The following SETBP1 variants were observed in gnomAD, a reference collection of about 807,000 sequenced individuals.
The protein encoded by SETBP1 is SET binding protein 1.
SETBP1 carries 9 observed loss-of-function variants against 101.0 expected under a neutral mutation model. That is an observed-to-expected ratio of 0.09 (90% confidence interval 0.05 to 0.16). The LOEUF (loss-of-function observed/expected upper bound fraction) is 0.16. SETBP1 is among the 10% of genes least tolerant of loss of function. The pLI, the probability that SETBP1 is intolerant of heterozygous loss-of-function variation, is 1.00. For synonymous variants in SETBP1, 818 were observed against 788.5 expected, an observed-to-expected ratio of 1.04 and a Z score of -0.63; for missense variants, 1,858 against 2,033.8, an observed-to-expected ratio of 0.91 and a Z score of 1.66.
At chr18:44,962,106 G>A (rs1258747014) in intron 4 of SETBP1, among the ~76,000 whole-genome samples, 2 of 152,210 alleles carry the variant, frequency 1.3e-5, no homozygotes, top group Non-Finnish European at 2.9e-5. Context: ...GACTAAGTTA[G>A]CATTCGTAAA....
intron 3 of SETBP1, among the ~76,000 whole-genome samples, chr18:44,895,833 GA>G (rs150142523): frequency 6.6e-6 from 1 of 151,742 alleles, no homozygotes; most frequent in Non-Finnish European, 1.5e-5. Context: ...TTCAACCAAA[GA>G]AAAAAAATGA....
At chr18:44,734,458 T>C (rs1246743870) in intron 2 of SETBP1, among the ~76,000 whole-genome samples, 2 of 152,164 alleles carry the variant, frequency 1.3e-5, no homozygotes, top group Non-Finnish European at 2.9e-5. Context: ...AAAAAGAAAG[T>C]GAAAAAATTT....
At chr18:44,899,781 A>C (rs1280497936) in intron 3 of SETBP1, among the ~76,000 whole-genome samples, 6 of 152,208 alleles carry the variant, frequency 3.9e-5, no homozygotes, top group Non-Finnish European at 5.9e-5. Flanking sequence ...AGAGACCCAA[A>C]ATTCATTTAT....
intron 2 of SETBP1, among the ~76,000 whole-genome samples, chr18:44,725,403 G>A (rs142712720): frequency 1.3e-5 from 2 of 152,116 alleles, no homozygotes; most frequent in Non-Finnish European, 2.9e-5. Context: ...AACTGGGTTG[G>A]GGGGTGTGTG....
At chr18:44,749,038 T>C (rs1178174306) in intron 2 of SETBP1, among the ~76,000 whole-genome samples, 2 of 152,138 alleles carry the variant, frequency 1.3e-5, no homozygotes, top group African/African-American at 4.8e-5. Flanking sequence ...GGGGTAGTTA[T>C]GAGAGGGGCA....
chr18:44,735,920 T>C (rs1159189270), intron 2 of SETBP1, among the ~76,000 whole-genome samples: 1 of 152,196 alleles, frequency 6.6e-6, no homozygotes, highest in Non-Finnish European at 1.5e-5. Flanking sequence ...CTGAGGAACA[T>C]ATACTGCTAT....
intron 5 of SETBP1, among the ~76,000 whole-genome samples, chr18:45,059,347 G>A (rs749288921): frequency 2.0e-5 from 3 of 152,106 alleles, no homozygotes; most frequent in South Asian, 2.1e-4. Context: ...TCACACCTAC[G>A]GAAATTAATA....
intron 2 of SETBP1, among the ~76,000 whole-genome samples, chr18:44,743,587 C>T (rs1028616844): frequency 3.3e-5 from 5 of 152,126 alleles, no homozygotes; most frequent in African/African-American, 1.2e-4. Flanking sequence ...GTTTCTTATA[C>T]AACGTGGGAT....
intron 3 of SETBP1, among the ~76,000 whole-genome samples, chr18:44,947,283 G>C (rs867808875): frequency 6.6e-6 from 1 of 152,188 alleles, no homozygotes; most frequent in Non-Finnish European, 1.5e-5. Flanking sequence ...TAGGGACTCT[G>C]TTAGGTACCA....
chr18:44,838,574 T>C (rs2072544629), intron 2 of SETBP1, among the ~76,000 whole-genome samples: 1 of 152,172 alleles, frequency 6.6e-6, no homozygotes, highest in Non-Finnish European at 1.5e-5. Context: ...GACAAATGCT[T>C]ATGACAGGTG....
At chr18:44,896,942 TCACA>T (rs138643380) in intron 3 of SETBP1, among the ~76,000 whole-genome samples, 13 of 151,848 alleles carry the variant, frequency 8.6e-5, no homozygotes, top group African/African-American at 2.9e-4. Context: ...AACTGTACCA[TCACA>T]CACACACACA....
chr18:44,813,571 C>T (rs2071909668), intron 2 of SETBP1, among the ~76,000 whole-genome samples: 1 of 152,166 alleles, frequency 6.6e-6, no homozygotes, highest in Admixed American at 6.5e-5. Flanking sequence ...AAATGAGAAG[C>T]TGGAACCAGC....
chr18:44,772,639 T>C (rs2070899108), intron 2 of SETBP1, among the ~76,000 whole-genome samples: 1 of 152,232 alleles, frequency 6.6e-6, no homozygotes, highest in Non-Finnish European at 1.5e-5. Flanking sequence ...TTATGTGCCG[T>C]GCTTAAGCTT....
At position 44,701,655 on chromosome 18, in the gene SETBP1, G is replaced by A. The variant is rs200639817; in HGVS notation, c.309G>A (p.Leu103=). The A allele has an allele frequency of 4.3e-6, 7 of 1,614,210 alleles. No homozygotes were observed. The African/African-American group carries it at 8.0e-5, about 18-fold the overall frequency. ...IKEANFTEGS[L]KLKIQTTKRA... The stretch of plus-strand genomic sequence containing the variant: ...AGGCAAACTTCACAGAGGGAAGTCT[G>A]AAGCTAAAGATTCAGACCACAAAGC... The change falls in exon 2 of 6, where the codon CTG becomes CTA. Residue 103 remains leucine, a synonymous_variant. Coordinates refer to ENST00000649279, the MANE Select transcript of SETBP1 (RefSeq NM_015559.3).
chr18:44,954,146 A>G (rs754706536), intron 4 of SETBP1, among the ~76,000 whole-genome samples: 6 of 152,162 alleles, frequency 3.9e-5, no homozygotes, highest in Non-Finnish European at 5.9e-5. Context: ...AGTTGCTGGC[A>G]GAATTCCCTT....
At chr18:44,930,213 A>C (rs1046362453) in intron 3 of SETBP1, among the ~76,000 whole-genome samples, 1 of 152,002 alleles carries the variant, frequency 6.6e-6, no homozygotes, top group Non-Finnish European at 1.5e-5. Context: ...TTTGTCTTTG[A>C]TTCTGTTTAT....
At chr18:44,779,368 A>G (rs1379476812) in intron 2 of SETBP1, among the ~76,000 whole-genome samples, 1 of 152,256 alleles carries the variant, frequency 6.6e-6, no homozygotes, top group African/African-American at 2.4e-5. Flanking sequence ...CCTCTGATAG[A>G]GCATAGTACT....
intron 2 of SETBP1, among the ~76,000 whole-genome samples, chr18:44,747,319 G>A (rs1385716958): frequency 1.3e-5 from 2 of 152,176 alleles, no homozygotes; most frequent in African/African-American, 4.8e-5. Context: ...TCACACTTCT[G>A]GGACCTGCTC....
intron 2 of SETBP1, among the ~76,000 whole-genome samples, chr18:44,787,061 G>C (rs2071254278): frequency 6.6e-6 from 1 of 152,200 alleles, no homozygotes; most frequent in African/African-American, 2.4e-5. Context: ...TGCCCTGTCA[G>C]TTTTATTCGG....
Sources: gnomAD v4.1 joint callset for allele counts (sites outside exome capture counted in the v4.1 genomes callset) on GRCh38, gnomAD v4.1.1 for gene constraint, MANE v1.5 for transcripts, NCBI Gene and HGNC (gene_info 2026-07-23, HGNC 2026-07-21) for gene names.